RECK: variants seen among roughly 807,000 people sequenced by gnomAD.
The protein encoded by RECK is reversion inducing cysteine rich protein with kazal motifs, also known as reversion-inducing cysteine-rich protein with Kazal motifs.
RECK carries 69 observed loss-of-function variants against 115.1 expected under a neutral mutation model. The ratio of observed to expected loss-of-function variants is 0.60; its 90% CI spans 0.49 to 0.73. The LOEUF (loss-of-function observed/expected upper bound fraction) is 0.73, where lower values mean the gene tolerates loss of function less well. Ranked by LOEUF, RECK falls within the 30% of genes least tolerant of loss-of-function variation. The pLI, the probability that RECK is intolerant of heterozygous loss-of-function variation, is 0.00. For missense variants in RECK, 1,047 were observed against 1,203.7 expected (o/e 0.87, Z 1.93); for synonymous variants, 414 against 419.7 (o/e 0.99, Z 0.17).
At chr9:36,045,043 G>A (rs1418268019) in intron 1 of RECK, among the ~76,000 whole-genome samples, 1 of 152,136 alleles carries the variant, frequency 6.6e-6, no homozygotes, top group Non-Finnish European at 1.5e-5. Context: ...AAGCAGTGGA[G>A]AAGGATGTAT....
intron 6 of RECK, among the ~76,000 whole-genome samples, chr9:36,076,135 A>G (rs942175339): frequency 6.6e-6 from 1 of 152,232 alleles, no homozygotes; most frequent in Non-Finnish European, 1.5e-5. Flanking sequence ...TAGAACCCGG[A>G]CTGCCCTACC....
chr9:36,122,837 A>T lies in RECK; in HGVS notation c.2708A>T (p.Asn903Ile), dbSNP rs1824511895. 6.2e-7 allele frequency: 1 copy of T among 1,614,080 alleles called. No individual in the cohort carries two copies. Among genetic ancestry groups the T allele is most frequent in the Non-Finnish European group, 8.5e-7 (1 of 1,179,948 alleles). The change falls in exon 21 of 21, where the codon AAT (asparagine) becomes ATT (isoleucine). Residue 903 changes from asparagine (N) to isoleucine (I), a missense_variant. Physicochemically the swap from Asn to Ile is moderately radical, Grantham distance 149. Transcript: ENST00000377966. ...TTCTCCTCACAGATTGAAGCCTGCA[A>T]TAAAGAAGCAGAGAAGATTGAGTCC... ...YPKALQIEAC[N>I]KEAEKIESLI...
At chr9:36,083,275 G>C (rs954512264) in intron 7 of RECK, 90 bp from the exon 8 acceptor site, 6 of 1,337,720 alleles carry the variant, frequency 4.5e-6, no homozygotes, top group Middle Eastern at 1.8e-4. Context: ...CTCAAATTTA[G>C]AAAGACATAT....
At chr9:36,104,292 G>GTATATATATATA (rs11273343) in intron 12 of RECK, among the ~76,000 whole-genome samples, 26 of 43,872 alleles carry the variant, frequency 5.9e-4, no homozygotes, top group East Asian at 4.0e-3. Flanking sequence ...GTGTGTGTGT[G>GTATATATATATA]TATATATATA....
intron 15 of RECK, 117 bp downstream of exon 15, chr9:36,110,196 G>A: frequency 9.2e-7 from 1 of 1,089,390 alleles, no homozygotes; most frequent in Middle Eastern, 3.1e-4. Context: ...AATCAATACA[G>A]AATCTAAGGG....
intron 1 of RECK, among the ~76,000 whole-genome samples, chr9:36,050,309 A>G (rs1821237510): frequency 6.6e-6 from 1 of 152,130 alleles, no homozygotes; most frequent in African/African-American, 2.4e-5. Flanking sequence ...TGGTATTTCT[A>G]GATATTTCTG....
At chr9:36,051,951 A>T (rs2132563152) in intron 1 of RECK, among the ~76,000 whole-genome samples, 1 of 152,300 alleles carries the variant, frequency 6.6e-6, no homozygotes, top group East Asian at 1.9e-4. Flanking sequence ...AATTGTAAGG[A>T]TTAGATAAGA....
intron 1 of RECK, 50 bp from the exon 2 acceptor site, chr9:36,052,215 C>G: frequency 9.2e-7 from 1 of 1,082,508 alleles, no homozygotes; most frequent in South Asian, 1.3e-5. Flanking sequence ...TTAGCTTAGT[C>G]ATCTTGTTTA....
chr9:36,107,503 G>A (rs1458188929), intron 13 of RECK, among the ~76,000 whole-genome samples: 1 of 151,374 alleles, frequency 6.6e-6, no homozygotes, highest in African/African-American at 2.4e-5. Context: ...TACTTGGAAG[G>A]CTGAGGCAGA....
At chr9:36,107,371 C>T (rs1244654233) in intron 13 of RECK, among the ~76,000 whole-genome samples, 2 of 151,964 alleles carry the variant, frequency 1.3e-5, no homozygotes, top group East Asian at 1.9e-4. Flanking sequence ...AAGTGGATCA[C>T]GAGGTCAGGA....
At chr9:36,039,448 G>A (rs575308373) in intron 1 of RECK, among the ~76,000 whole-genome samples, 76 of 152,208 alleles carry the variant, frequency 5.0e-4, no homozygotes, top group African/African-American at 1.8e-3. Context: ...GTCTGCTCTG[G>A]TATAAGGCTT....
rs372342466 is a variant in RECK at position 36,112,017 on chromosome 9, G to A, written c.1889-288G>A. ...ATGCGCCTGTAGTCCCAGCTACTCC[G>A]GAGGCTGAGGCAGGAGAATGGCGTG... is the stretch of plus-strand genomic sequence containing the variant. On this transcript the variant is annotated intron_variant, in intron 15 of 20. Transcript: ENST00000377966. Among the ~76,000 whole-genome samples the A allele has an allele frequency of 2.1e-3, 311 of 150,760 alleles. 1 individual carries two copies. Among genetic ancestry groups the A allele is most frequent in the South Asian group, 3.8e-3 (18 of 4,722 alleles).
chr9:36,061,038 C>T (rs1339075785), intron 4 of RECK, among the ~76,000 whole-genome samples: 1 of 152,132 alleles, frequency 6.6e-6, no homozygotes, highest in Non-Finnish European at 1.5e-5. Flanking sequence ...TATTCTTACA[C>T]TCGTGGGATA....
At chr9:36,082,264 A>C (rs1312825826) in intron 7 of RECK, among the ~76,000 whole-genome samples, 1 of 149,234 alleles carries the variant, frequency 6.7e-6, no homozygotes, top group African/African-American at 2.5e-5. Context: ...GCTTACTGCA[A>C]CCTCCGCCTC....
intron 15 of RECK, among the ~76,000 whole-genome samples, 169 bp from the exon 16 acceptor site, chr9:36,112,136 A>AC (rs1824075007): frequency 6.6e-6 from 1 of 151,350 alleles, no homozygotes; most frequent in African/African-American, 2.4e-5. Context: ...AAAAAAAAAA[A>AC]AAAAAAAACC....
At chr9:36,058,656 A>G (rs1821630978) in intron 2 of RECK, among the ~76,000 whole-genome samples, 171 bp from the exon 3 acceptor site, 1 of 149,474 alleles carries the variant, frequency 6.7e-6, no homozygotes, top group Admixed American at 6.7e-5. Context: ...GTATAATAAT[A>G]ATTAATAAAT....
intron 15 of RECK, among the ~76,000 whole-genome samples, chr9:36,111,936 C>T (rs1276633432): frequency 6.7e-6 from 1 of 150,236 alleles, no homozygotes; most frequent in African/African-American, 2.5e-5. Context: ...GCATTGCTGC[C>T]TTTAAAAACC....
intron 10 of RECK, 25 bp downstream of exon 10, chr9:36,091,368 A>C (rs576082158): frequency 1.5e-6 from 2 of 1,378,644 alleles, no homozygotes; most frequent in East Asian, 5.2e-5. Flanking sequence ...TATACATGGA[A>C]TGGAAATATT....
intron 6 of RECK, among the ~76,000 whole-genome samples, chr9:36,075,436 A>G (rs1286787546): frequency 1.3e-5 from 2 of 152,190 alleles, no homozygotes; most frequent in Non-Finnish European, 2.9e-5. Context: ...TTTTATTTGC[A>G]TATCTGTTGA....
Sources: allele counts gnomAD v4.1 joint callset (sites outside exome capture counted in the v4.1 genomes callset), GRCh38; gene constraint gnomAD v4.1.1; transcripts MANE v1.5; gene names NCBI Gene and HGNC (gene_info 2026-07-23, HGNC 2026-07-21).